ARMC2: variants seen among roughly 807,000 people sequenced by gnomAD.
The protein encoded by ARMC2 is armadillo repeat containing 2.
In ARMC2, 67 loss-of-function variants were observed where a neutral mutation model predicts 90.3. The observed-to-expected ratio is 0.74, with a 90% CI of 0.61 to 0.91. The LOEUF is 0.91. ARMC2 is among the 40% of genes least tolerant of loss of function. ARMC2 has a pLI of 0.00. For missense variants in ARMC2, 920 were observed against 1,030.9 expected, an observed-to-expected ratio of 0.89 and a Z score of 1.47; for synonymous variants, 393 against 393.0, an observed-to-expected ratio of 1.00 and a Z score of 0.00.
chr6:109,036,502 G>A, the ARMC2 span, among the ~76,000 whole-genome samples: 1 of 152,106 alleles, frequency 6.6e-6, no homozygotes, highest in Non-Finnish European at 1.5e-5. Flanking sequence ...TTCTGATGCT[G>A]GGATCTAGTG....
intron 13 of ARMC2, among the ~76,000 whole-genome samples, chr6:108,954,279 C>G (rs778528339): frequency 6.6e-6 from 1 of 152,214 alleles, no homozygotes; most frequent in Non-Finnish European, 1.5e-5. Context: ...CCCACAAGCA[C>G]TTCTGCCTGC....
intron 2 of ARMC2, among the ~76,000 whole-genome samples, chr6:108,856,917 A>G (rs775812193): frequency 2.0e-5 from 3 of 152,132 alleles, no homozygotes; most frequent in Non-Finnish European, 4.4e-5. Context: ...ATTCTGTTCC[A>G]TTGATCTGTT....
chr6:108,912,586 T>C (rs763256198), intron 10 of ARMC2, 28 bp downstream of exon 10: 2 of 1,570,746 alleles, frequency 1.3e-6, no homozygotes, highest in Admixed American at 1.7e-5. Context: ...AAACGTTAGA[T>C]GTGTAAAATT....
the ARMC2 span, chr6:108,994,413 A>T: frequency 2.0e-6 from 3 of 1,484,434 alleles, no homozygotes; most frequent in Admixed American, 3.9e-5. Context: ...CTCTAAATAA[A>T]AAGTTGAGTT....
At chr6:109,019,670 A>G in the ARMC2 span, among the ~76,000 whole-genome samples, 162 of 152,190 alleles carry the variant, frequency 1.1e-3, 1 homozygote, top group African/African-American at 3.5e-3. Flanking sequence ...CCTAATAACT[A>G]TTTTCATATT....
chr6:108,888,440 TAGG>T (rs1249838614), intron 5 of ARMC2, among the ~76,000 whole-genome samples: 2 of 152,178 alleles, frequency 1.3e-5, no homozygotes, highest in Non-Finnish European at 2.9e-5. Flanking sequence ...ATTTAAACCA[TAGG>T]AGATGACTTT....
At chr6:108,886,688 CT>C (rs776909036) in intron 5 of ARMC2, among the ~76,000 whole-genome samples, 22 of 152,182 alleles carry the variant, frequency 1.4e-4, no homozygotes, top group Non-Finnish European at 2.5e-4. Context: ...GGTTTATACA[CT>C]TTTTTAAATC....
chr6:109,019,386 CAAAGT>C, the ARMC2 span, among the ~76,000 whole-genome samples: 5 of 152,274 alleles, frequency 3.3e-5, no homozygotes, highest in East Asian at 9.6e-4. Context: ...GAATCTAGTT[CAAAGT>C]CTTATTCTCA....
the ARMC2 span, among the ~76,000 whole-genome samples, chr6:109,028,925 C>T: frequency 6.6e-5 from 10 of 152,108 alleles, no homozygotes; most frequent in East Asian, 1.9e-4. Flanking sequence ...GACATGAGAG[C>T]GGGTATCTCT....
intron 5 of ARMC2, among the ~76,000 whole-genome samples, chr6:108,877,234 T>C (rs1366458366): frequency 1.3e-5 from 2 of 152,234 alleles, no homozygotes; most frequent in Non-Finnish European, 2.9e-5. Context: ...CATTTTAAGA[T>C]CAAGTATTTC....
intron 3 of ARMC2, among the ~76,000 whole-genome samples, chr6:108,861,855 T>A (rs1296909390): frequency 6.6e-6 from 1 of 152,176 alleles, no homozygotes; most frequent in African/African-American, 2.4e-5. Flanking sequence ...ACTCACTCAG[T>A]TTGGGACTCA....
At chr6:109,008,878 T>G in the ARMC2 span, 6 of 985,810 alleles carry the variant, frequency 6.1e-6, no homozygotes, top group Non-Finnish European at 7.2e-6. Context: ...GTCAAATGTG[T>G]TTTTTTTCTT....
In ARMC2 at chr6:108,854,486, G is replaced by T; in HGVS notation, c.218+1G>T. Reference sequence around the variant, plus strand: ...AAAATAGACCTCCTTCCTCCTTCAGGTATATGGCATTTCACATTCATGTTC... The same window carrying T: ...AAAATAGACCTCCTTCCTCCTTCAGTTATATGGCATTTCACATTCATGTTC... On this transcript the variant is annotated splice_donor_variant, in intron 2 of 17. Transcript: ENST00000392644. LOFTEE classifies it high-confidence loss of function. 1 of 1,611,756 alleles carries T rather than the reference G, an allele frequency of 6.2e-7. No homozygotes were observed. Among genetic ancestry groups the T allele is most frequent in the East Asian group, 2.2e-5 (1 of 44,812 alleles).
chr6:108,923,245 TAAA>T (rs1482796103), intron 10 of ARMC2, among the ~76,000 whole-genome samples: 1 of 152,056 alleles, frequency 6.6e-6, no homozygotes, highest in Non-Finnish European at 1.5e-5. Context: ...TTATATACAA[TAAA>T]AAAGAAAAAT....
intron 13 of ARMC2, among the ~76,000 whole-genome samples, chr6:108,957,552 C>G (rs1427038154): frequency 6.6e-6 from 1 of 152,144 alleles, no homozygotes; most frequent in African/African-American, 2.4e-5. Flanking sequence ...GAGCTGAGCA[C>G]TCCTCCCAGC....
the ARMC2 span, chr6:108,990,779 C>A: frequency 2.0e-5 from 33 of 1,613,930 alleles, no homozygotes; most frequent in Non-Finnish European, 2.5e-5. Context: ...TCAACTGTCC[C>A]ACATCTGGAT....
chr6:108,952,632 G>A (rs906007287), intron 12 of ARMC2, among the ~76,000 whole-genome samples: 26 of 150,632 alleles, frequency 1.7e-4, no homozygotes, highest in African/African-American at 5.6e-4. Flanking sequence ...TACTTCAGCA[G>A]GAGACGAAAT....
chr6:108,937,806 C>T (rs1776073891), intron 12 of ARMC2, among the ~76,000 whole-genome samples: 1 of 151,968 alleles, frequency 6.6e-6, no homozygotes, highest in African/African-American at 2.4e-5. Flanking sequence ...GCCATTCTGC[C>T]CCCTCAGCCT....
chr6:109,028,562 T>TGC, the ARMC2 span, among the ~76,000 whole-genome samples: 40 of 152,302 alleles, frequency 2.6e-4, no homozygotes, highest in African/African-American at 8.7e-4. Context: ...CAGAGACCAG[T>TGC]GCCTTTCTTC....
Sources: allele counts gnomAD v4.1 joint callset (sites outside exome capture counted in the v4.1 genomes callset), GRCh38; gene constraint gnomAD v4.1.1; transcripts MANE v1.5; gene names NCBI Gene and HGNC (gene_info 2026-07-23, HGNC 2026-07-21).